RSBN1L: variants seen among roughly 807,000 people sequenced by gnomAD.
The protein encoded by RSBN1L is round spermatid basic protein 1 like.
Under a neutral mutation model 67.7 loss-of-function variants are expected in RSBN1L, and 30 were observed. The ratio of observed to expected loss-of-function variants is 0.44; its 90% CI spans 0.33 to 0.60. The LOEUF (loss-of-function observed/expected upper bound fraction) is 0.60. Ranked by LOEUF, RSBN1L falls within the 20% of genes least tolerant of loss-of-function variation. The probability of loss-of-function intolerance (pLI) is 0.02; values close to 1 mark genes in which losing one functional copy is unlikely to be tolerated. For synonymous variants in RSBN1L, 433 were observed against 387.0 expected (o/e 1.12, Z -1.39); for missense variants, 992 against 1,031.7 (o/e 0.96, Z 0.53).
At chr7:77,744,652 A>G (rs1201293675) in intron 2 of RSBN1L, among the ~76,000 whole-genome samples, 2 of 151,670 alleles carry the variant, frequency 1.3e-5, no homozygotes, top group African/African-American at 4.8e-5. Flanking sequence ...TCCTGACCTC[A>G]GGTGATTCAC....
At chr7:77,764,303 A>G (rs1230208109) in intron 3 of RSBN1L, among the ~76,000 whole-genome samples, 3 of 152,224 alleles carry the variant, frequency 2.0e-5, no homozygotes, top group Non-Finnish European at 4.4e-5. Flanking sequence ...TCGCTTGAAG[A>G]CAGACTCAGC....
intron 2 of RSBN1L, among the ~76,000 whole-genome samples, chr7:77,737,760 T>C (rs1053026664): frequency 6.6e-6 from 1 of 152,178 alleles, no homozygotes; most frequent in Non-Finnish European, 1.5e-5. Flanking sequence ...CGGTCGCTCA[T>C]GCCTGTAATC....
chr7:77,773,608 C>G (rs1012500163), intron 6 of RSBN1L, among the ~76,000 whole-genome samples: 2 of 152,078 alleles, frequency 1.3e-5, no homozygotes, highest in Non-Finnish European at 2.9e-5. Context: ...ACTAAAAATA[C>G]AAAAGTTAGC....
Position 77,696,810 on chromosome 7 carries a change from C to G in RSBN1L, c.341C>G (p.Ser114Cys). 1 of 1,613,730 alleles carries G rather than the reference C, an allele frequency of 6.2e-7. No homozygotes were observed. The highest frequency in any genetic ancestry group is 1.1e-5 in the South Asian group (1 of 91,076). ...TTCTCCGCTGGCACGGCCGTTCCCT[C>G]CTCAGCCTCCGCTTCCTTGTCTCAG... ...FSFSAGTAVPSSASASLSQPV... is the reference protein window; with the variant it reads ...FSFSAGTAVPCSASASLSQPV... Residue 114 changes from serine to cysteine, a missense_variant, in exon 1 of 8, where the codon TCC becomes TGC. By Grantham distance (112) the Ser-to-Cys change is moderately radical. Coordinates refer to ENST00000334955, the MANE Select transcript of RSBN1L (RefSeq NM_198467.3).
At position 77,779,443 on chromosome 7, in the gene RSBN1L, C is replaced by CAT. The variant is rs10569815; in HGVS notation, c.*291_*292dup. On this transcript the variant is annotated 3_prime_UTR_variant, in exon 8 of 8. Transcript: ENST00000334955. ...GGTTTTAGAATAGAGCTGACATTAA[C>CAT]ATATATATATATATATAAATATATA... 10,369 of 147,424 alleles carry CAT rather than the reference C, an allele frequency of 0.07. 496 individuals are homozygous for CAT. The highest frequency in any genetic ancestry group is 0.11 in the Non-Finnish European group (7,418 of 67,656). The allele number at this position is 147,424 out of a possible 1,614,324, so 9.1% of individuals were successfully genotyped here.
intron 2 of RSBN1L, among the ~76,000 whole-genome samples, chr7:77,739,450 C>A (rs1258659608): frequency 6.6e-6 from 1 of 151,748 alleles, no homozygotes; most frequent in African/African-American, 2.4e-5. Flanking sequence ...CAGTGTCTCA[C>A]GCCTGTAATC....
At chr7:77,765,696 G>A (rs912884915) in intron 4 of RSBN1L, 64 bp downstream of exon 4, 4 of 1,143,378 alleles carry the variant, frequency 3.5e-6, no homozygotes, top group Non-Finnish European at 4.9e-6. Context: ...AAACCAATAT[G>A]AGTAATCTAA....
At chr7:77,712,296 T>G (rs975788094) in intron 1 of RSBN1L, among the ~76,000 whole-genome samples, 1 of 152,032 alleles carries the variant, frequency 6.6e-6, no homozygotes, top group Non-Finnish European at 1.5e-5. Flanking sequence ...GATTTTTTTT[T>G]TTTTGAGACG....
At chr7:77,729,557 A>C (rs1358840722) in intron 1 of RSBN1L, among the ~76,000 whole-genome samples, 1 of 152,246 alleles carries the variant, frequency 6.6e-6, no homozygotes, top group Admixed American at 6.5e-5. Context: ...TAATAGAAGT[A>C]TATTGGGTGA....
chr7:77,696,884 C>T lies in RSBN1L; in HGVS notation c.415C>T (p.Pro139Ser). 6.2e-7 allele frequency: 1 copy of T among 1,609,300 alleles called. No homozygotes were observed. The highest frequency in any genetic ancestry group is 8.5e-7 in the Non-Finnish European group (1 of 1,179,802). ...LVPPTLLHAQ[P>S]HHLLLPAAAA... ...CCCTCCTACGCTGCTGCACGCTCAG[C>T]CTCACCATCTCCTCCTGCCCGCCGC... is the stretch of plus-strand genomic sequence containing the variant. Residue 139 changes from proline to serine, a missense_variant, in exon 1 of 8, where the codon CCT (proline) becomes TCT (serine). By Grantham distance (74) the Pro-to-Ser change is moderately conservative (BLOSUM62 -1). Around this residue, in one of 7 missense-constraint regions of RSBN1L, gnomAD observed 575 missense variants for 483.2 expected, o/e 1.19. Coordinates refer to ENST00000334955, the MANE Select transcript of RSBN1L (RefSeq NM_198467.3).
At chr7:77,738,554 C>G (rs1791366099) in intron 2 of RSBN1L, among the ~76,000 whole-genome samples, 1 of 152,076 alleles carries the variant, frequency 6.6e-6, no homozygotes, top group Non-Finnish European at 1.5e-5. Context: ...AGGAAAGTGC[C>G]AAGTATAGAA....
intron 2 of RSBN1L, among the ~76,000 whole-genome samples, chr7:77,748,356 A>G (rs1235186950): frequency 6.6e-6 from 1 of 152,230 alleles, no homozygotes; most frequent in Non-Finnish European, 1.5e-5. Flanking sequence ...ACTTGAGTAA[A>G]TATGACTGGA....
At chr7:77,716,312 GTTTTGTTTTGTTTTTGT>G (rs1054482808) in intron 1 of RSBN1L, among the ~76,000 whole-genome samples, 3 of 151,606 alleles carry the variant, frequency 2.0e-5, no homozygotes, top group African/African-American at 4.8e-5. Flanking sequence ...TGTTTTTTTT[GTTTTGTTTTGTTTTTGT>G]TTTTGTTTTT....
intron 5 of RSBN1L, among the ~76,000 whole-genome samples, chr7:77,772,596 G>A (rs1361754218): frequency 1.3e-5 from 2 of 152,190 alleles, no homozygotes; most frequent in Non-Finnish European, 2.9e-5. Context: ...ATGTTTTGTG[G>A]AAGCACTTAC....
At chr7:77,709,192 G>GTATGTATGTA (rs1562793932) in intron 1 of RSBN1L, among the ~76,000 whole-genome samples, 1 of 128,322 alleles carries the variant, frequency 7.8e-6, no homozygotes, top group African/African-American at 3.2e-5. Flanking sequence ...GTGTGTGTGT[G>GTATGTATGTA]TGTGTATGTA....
chr7:77,723,583 C>T (rs1791151612), intron 1 of RSBN1L, among the ~76,000 whole-genome samples: 1 of 152,150 alleles, frequency 6.6e-6, no homozygotes, highest in Non-Finnish European at 1.5e-5. Flanking sequence ...ATCCTCCCAC[C>T]TCACCCACCC....
intron 4 of RSBN1L, among the ~76,000 whole-genome samples, chr7:77,766,654 A>T (rs147742912): frequency 6.6e-6 from 1 of 152,092 alleles, no homozygotes; most frequent in African/African-American, 2.4e-5. Flanking sequence ...TCAAAGGTCA[A>T]TGCTGCAAAC....
At chr7:77,742,009 A>G (rs907801948) in intron 2 of RSBN1L, among the ~76,000 whole-genome samples, 1 of 151,842 alleles carries the variant, frequency 6.6e-6, no homozygotes, top group Non-Finnish European at 1.5e-5. Context: ...GACTCAGCAT[A>G]TGGTTGTACT....
chr7:77,755,317 C>T (rs1791602644), intron 3 of RSBN1L, among the ~76,000 whole-genome samples: 1 of 152,180 alleles, frequency 6.6e-6, no homozygotes, highest in Non-Finnish European at 1.5e-5. Flanking sequence ...GCTAGGGCTG[C>T]ATCCTAATAA....
Sources: gnomAD v4.1 joint callset for allele counts (sites outside exome capture counted in the v4.1 genomes callset) on GRCh38, gnomAD v4.1.1 for gene constraint, gnomAD v4.1.1 regional missense constraint, MANE v1.5 for transcripts, NCBI Gene and HGNC (gene_info 2026-07-23, HGNC 2026-07-21) for gene names.